The following CSMD1 variants were observed in gnomAD, a reference collection of about 807,000 sequenced individuals.
CSMD1 encodes the protein CUB and sushi domain-containing protein 1.
In CSMD1, 213 loss-of-function variants were observed where a neutral mutation model predicts 417.5. That is an observed-to-expected ratio of 0.51 (90% CI 0.46 to 0.57). The LOEUF (loss-of-function observed/expected upper bound fraction) is 0.57. Ranked by LOEUF, CSMD1 falls within the 20% of genes least tolerant of loss-of-function variation. The pLI, the probability that CSMD1 is intolerant of heterozygous loss-of-function variation, is 0.00. For synonymous variants in CSMD1, 2,862 were observed against 1,736.8 expected (o/e 1.65, Z -16.11); for missense variants, 6,923 against 4,529.7 (o/e 1.53, Z -15.17).
At chr8:3,853,887 T>C (rs1444353970) in intron 5 of CSMD1, among the ~76,000 whole-genome samples, 5 of 146,130 alleles carry the variant, frequency 3.4e-5, no homozygotes, top group Non-Finnish European at 4.5e-5. Flanking sequence ...TATATTAATA[T>C]ATTATACTTT....
At chr8:3,270,054 T>C (rs1213731496) in intron 26 of CSMD1, among the ~76,000 whole-genome samples, 1 of 75,986 alleles carries the variant, frequency 1.3e-5, no homozygotes, top group Non-Finnish European at 2.6e-5. Context: ...TTCTTTTTTT[T>C]TTTTTTTTTT....
At chr8:4,372,697 G>C (rs1802467934) in intron 3 of CSMD1, among the ~76,000 whole-genome samples, 2 of 149,250 alleles carry the variant, frequency 1.3e-5, no homozygotes, top group Non-Finnish European at 3.0e-5. Flanking sequence ...GGACTCAATA[G>C]CTAACTGAAA....
chr8:3,412,174 A>G (rs550077168), intron 12 of CSMD1, among the ~76,000 whole-genome samples: 2 of 145,248 alleles, frequency 1.4e-5, no homozygotes, highest in African/African-American at 5.2e-5. Flanking sequence ...ACATATATAC[A>G]TATATATACA....
chr8:3,715,582 A>G (rs1300724780), intron 6 of CSMD1, among the ~76,000 whole-genome samples: 1 of 152,168 alleles, frequency 6.6e-6, no homozygotes, highest in Non-Finnish European at 1.5e-5. Context: ...TCACTCTGTC[A>G]TCCACGCTGG....
At position 3,888,851 on chromosome 8, in the gene CSMD1, T is replaced by A. The variant is rs1806747110; in HGVS notation, c.818+109052A>T. Among the ~76,000 whole-genome samples, 3 of 152,316 alleles carry A rather than the reference T, an allele frequency of 2.0e-5. No homozygotes were observed. The South Asian group carries it at 6.2e-4, about 32-fold the overall frequency. On this transcript the variant is annotated intron_variant, in intron 5 of 69. Transcript: ENST00000635120. ...TCTAGAAAATGATGCCCTCTGTCTATAAATGTATTCTATTTCTGTGACTTC... is the reference window on the plus strand; with the variant it reads ...TCTAGAAAATGATGCCCTCTGTCTAAAAATGTATTCTATTTCTGTGACTTC...
intron 1 of CSMD1, among the ~76,000 whole-genome samples, chr8:4,952,225 C>T (rs55966542): frequency 0.024 from 3,656 of 151,856 alleles, 46 homozygotes; most frequent in Middle Eastern, 0.085. Flanking sequence ...ATGTTTGCTC[C>T]GTGGAGTTAA....
At chr8:3,857,526 A>AAT in intron 5 of CSMD1, among the ~76,000 whole-genome samples, 1 of 152,206 alleles carries the variant, frequency 6.6e-6, no homozygotes, top group East Asian at 1.9e-4. Context: ...TGATTTGCTT[A>AAT]ATATTACTCC....
At chr8:3,059,164 C>T (rs184179213) in intron 49 of CSMD1, among the ~76,000 whole-genome samples, 11 of 148,420 alleles carry the variant, frequency 7.4e-5, no homozygotes, top group South Asian at 4.3e-4. Context: ...TATTTTAGCA[C>T]GACTATTAAT....
chr8:3,546,848 G>A (rs1417916479), intron 10 of CSMD1, among the ~76,000 whole-genome samples: 1 of 152,176 alleles, frequency 6.6e-6, no homozygotes, highest in Admixed American at 6.5e-5. Flanking sequence ...GAAATGAAAG[G>A]GAAGGTGAAA....
Position 2,942,748 on chromosome 8 carries a change from T to C in CSMD1, c.10403-144A>G, listed in dbSNP as rs540013752. ...CAGGAAACCAAATGATATTCTTTTC[T>C]AAAGATTTTTAATATCCACTTAATG... On this transcript the variant is annotated intron_variant, in intron 68 of 69. Coordinates refer to ENST00000635120, the MANE Select transcript of CSMD1 (RefSeq NM_033225.6). 6 of 608,664 alleles carry C rather than the reference T, an allele frequency of 9.9e-6. No individual in the cohort carries two copies. In the Admixed American group the frequency reaches 2.0e-4, roughly 20 times the overall value. 37.7% of individuals were successfully genotyped at this position (608,664 alleles called of 1,614,324 possible).
intron 3 of CSMD1, among the ~76,000 whole-genome samples, chr8:4,331,677 C>T (rs1286547296): frequency 6.6e-6 from 1 of 151,986 alleles, no homozygotes; most frequent in Non-Finnish European, 1.5e-5. Flanking sequence ...TCCCAGAGGC[C>T]CCAGTTAGGT....
intron 1 of CSMD1, among the ~76,000 whole-genome samples, chr8:4,833,812 G>C (rs1199466929): frequency 6.6e-6 from 1 of 152,162 alleles, no homozygotes; most frequent in East Asian, 1.9e-4. Flanking sequence ...CTGACTAAAA[G>C]GGAGACTTCC....
At chr8:3,459,703 T>A (rs1212038235) in intron 12 of CSMD1, among the ~76,000 whole-genome samples, 4 of 152,004 alleles carry the variant, frequency 2.6e-5, no homozygotes, top group African/African-American at 7.2e-5. Flanking sequence ...GGAATTGGGT[T>A]CCGAAAGGTC....
At chr8:3,943,857 A>T (rs1000723158) in intron 5 of CSMD1, among the ~76,000 whole-genome samples, 2 of 152,126 alleles carry the variant, frequency 1.3e-5, no homozygotes, top group African/African-American at 2.4e-5. Context: ...GCCGTTTCCT[A>T]TTTAGGGAAA....
At chr8:3,785,639 T>G (rs940664613) in intron 5 of CSMD1, among the ~76,000 whole-genome samples, 3 of 152,158 alleles carry the variant, frequency 2.0e-5, no homozygotes, top group Non-Finnish European at 4.4e-5. Flanking sequence ...CATCGAGTGT[T>G]TATTGAAGGA....
chr8:4,066,633 C>A (rs561271743), intron 3 of CSMD1, among the ~76,000 whole-genome samples: 2 of 152,328 alleles, frequency 1.3e-5, no homozygotes, highest in African/African-American at 2.4e-5. Context: ...TAACCACTAA[C>A]AGCTCTTTGT....
At chr8:4,101,587 T>C (rs1294101575) in intron 3 of CSMD1, among the ~76,000 whole-genome samples, 6 of 152,212 alleles carry the variant, frequency 3.9e-5, no homozygotes, top group African/African-American at 1.2e-4. Flanking sequence ...AAGTACATTT[T>C]AAAATATTCC....
At chr8:3,721,157 G>C (rs1802146648) in intron 6 of CSMD1, among the ~76,000 whole-genome samples, 2 of 152,040 alleles carry the variant, frequency 1.3e-5, no homozygotes, top group Non-Finnish European at 1.5e-5. Context: ...AGATCAGGTG[G>C]TCCTGAAACA....
At chr8:3,908,956 C>T (rs1808283412) in intron 5 of CSMD1, among the ~76,000 whole-genome samples, 1 of 152,226 alleles carries the variant, frequency 6.6e-6, no homozygotes, top group African/African-American at 2.4e-5. Flanking sequence ...TCCTTCACTA[C>T]TGTTCTCCTT....
Sources: gnomAD v4.1 joint callset for allele counts (sites outside exome capture counted in the v4.1 genomes callset) on GRCh38, gnomAD v4.1.1 for gene constraint, MANE v1.5 for transcripts, NCBI Gene and HGNC (gene_info 2026-07-23, HGNC 2026-07-21) for gene names.